Variants in HEATR5A observed in about 807,000 individuals in gnomAD.
HEATR5A encodes HEAT repeat-containing protein 5A.
HEATR5A carries 178 observed loss-of-function variants against 218.8 expected under a neutral mutation model. The ratio of observed to expected loss-of-function variants is 0.81; its 90% CI spans 0.72 to 0.92. HEATR5A has a LOEUF of 0.92. Among genes scored for constraint, HEATR5A ranks in the 40% least tolerant of loss-of-function variants. The probability of loss-of-function intolerance (pLI) is 0.00; values close to 1 mark genes in which losing one functional copy is unlikely to be tolerated. For synonymous variants in HEATR5A, 864 were observed against 871.6 expected (o/e 0.99, Z 0.15); for missense variants, 2,420 against 2,418.9 (o/e 1.00, Z -0.01).
intron 33 of HEATR5A, among the ~76,000 whole-genome samples, chr14:31,299,195 TA>T (rs1012380487): frequency 2.6e-5 from 4 of 152,200 alleles, no homozygotes; most frequent in Admixed American, 1.3e-4. Context: ...CTCACTTGGT[TA>T]TTTCTGTTAA....
At chr14:31,326,575 G>C (rs181554286) in intron 22 of HEATR5A, among the ~76,000 whole-genome samples, 1 of 152,264 alleles carries the variant, frequency 6.6e-6, no homozygotes, top group African/African-American at 2.4e-5. Flanking sequence ...GTATTCATAT[G>C]TTATTATTAA....
chr14:31,366,920 C>T (rs1177556961), intron 13 of HEATR5A, among the ~76,000 whole-genome samples: 1 of 152,290 alleles, frequency 6.6e-6, no homozygotes, highest in East Asian at 1.9e-4. Context: ...CTCTCTTAAT[C>T]TGATAGAGTA....
At chr14:31,349,399 A>G (rs1395885232) in intron 18 of HEATR5A, among the ~76,000 whole-genome samples, 1 of 151,980 alleles carries the variant, frequency 6.6e-6, no homozygotes, top group Admixed American at 6.6e-5. Context: ...AAAAAAAGAC[A>G]TGAAAGTACC....
chr14:31,414,982 G>C (rs1446485086), intron 1 of HEATR5A, among the ~76,000 whole-genome samples: 1 of 152,062 alleles, frequency 6.6e-6, no homozygotes, highest in African/African-American at 2.4e-5. Context: ...CTGGGATTAA[G>C]GCGCGCACCA....
intron 11 of HEATR5A, among the ~76,000 whole-genome samples, chr14:31,378,259 A>C (rs181260036): frequency 2.0e-4 from 30 of 152,066 alleles, no homozygotes; most frequent in Admixed American, 6.5e-4. Flanking sequence ...TGTACACCTA[A>C]AGGTCACAGA....
intron 12 of HEATR5A, among the ~76,000 whole-genome samples, chr14:31,373,173 C>A (rs545999971): frequency 5.3e-5 from 8 of 151,974 alleles, no homozygotes; most frequent in Admixed American, 2.6e-4. Flanking sequence ...CCACTCATCT[C>A]GGCCTCCAAA....
At chr14:31,399,092 G>C (rs1454946410) in intron 3 of HEATR5A, among the ~76,000 whole-genome samples, 1 of 152,140 alleles carries the variant, frequency 6.6e-6, no homozygotes, top group Non-Finnish European at 1.5e-5. Flanking sequence ...TCAATTTTGA[G>C]TTAATTTTTT....
chr14:31,400,611 C>T (rs2030835013), intron 2 of HEATR5A, 99 bp from the exon 3 acceptor site: 1 of 798,118 alleles, frequency 1.3e-6, no homozygotes, highest in African/African-American at 1.7e-5. Context: ...ACTAAAAAGG[C>T]TCTAGAAAAA....
Position 31,400,523 on chromosome 14 carries a change from A to G in HEATR5A, c.127-11T>C, listed in dbSNP as rs984869077. Reference sequence around the variant, plus strand: ...CTCCCTTACATCATTCTAGAAAGAAAGATAACACAAAGACAATTCAAAGTC... The same window carrying G: ...CTCCCTTACATCATTCTAGAAAGAAGGATAACACAAAGACAATTCAAAGTC... On this transcript the variant is annotated splice_polypyrimidine_tract_variant and intron_variant, in intron 2 of 35. Coordinates refer to ENST00000543095, the MANE Select transcript of HEATR5A (RefSeq NM_015473.4). The G allele has an allele frequency of 2.0e-6, 3 of 1,484,782 alleles. No homozygotes were observed. Among genetic ancestry groups the G allele is most frequent in the Non-Finnish European group, 2.7e-6 (3 of 1,103,734 alleles). The allele number at this position is 1,484,782 out of a possible 1,614,324, so 92.0% of individuals were successfully genotyped here. A position where few individuals can be genotyped will look rare whatever the true frequency, so the allele number is the denominator to read the frequency against.
At position 31,402,808 on chromosome 14, in the gene HEATR5A, T is replaced by C. The variant is rs1382058433; in HGVS notation, c.126+42A>G. 4.6e-6 allele frequency: 7 copies of C among 1,529,388 alleles called. No homozygotes were observed. In the Admixed American group the frequency reaches 5.9e-5, roughly 13 times the overall value. The allele number at this position is 1,529,388 out of a possible 1,614,324, so 94.7% of individuals were successfully genotyped here. A position where few individuals can be genotyped will look rare whatever the true frequency, so the allele number is the denominator to read the frequency against. The stretch of plus-strand genomic sequence containing the variant: ...AAAAGCAAACCAAAGGAAGTAAACA[T>C]GGGCACTTAAACAAAAAAACAGATG... On this transcript the variant is annotated intron_variant, in intron 2 of 35. Transcript: ENST00000543095.
chr14:31,332,707 G>A (rs1342079776), intron 22 of HEATR5A, among the ~76,000 whole-genome samples: 1 of 152,066 alleles, frequency 6.6e-6, no homozygotes, highest in Non-Finnish European at 1.5e-5. Flanking sequence ...CTGGACAGAA[G>A]TTCAAATCAG....
intron 1 of HEATR5A, among the ~76,000 whole-genome samples, chr14:31,418,509 T>C (rs2031529274): frequency 6.6e-6 from 1 of 152,220 alleles, no homozygotes; most frequent in Admixed American, 6.5e-5. Context: ...GAGCACTATT[T>C]TAATTCAAAA....
intron 21 of HEATR5A, chr14:31,340,562 A>G (rs1900808104): frequency 1.2e-6 from 1 of 816,990 alleles, no homozygotes; most frequent in Non-Finnish European, 1.8e-6. Flanking sequence ...GCTAAGCATT[A>G]AAATATAAAT....
chr14:31,335,470 C>A (rs1346006267), intron 22 of HEATR5A, among the ~76,000 whole-genome samples: 1 of 151,982 alleles, frequency 6.6e-6, no homozygotes, highest in African/African-American at 2.4e-5. Context: ...CAAGTACATG[C>A]CGCCACAACT....
chr14:31,300,880 C>T (rs1899347855), intron 33 of HEATR5A, among the ~76,000 whole-genome samples: 1 of 152,172 alleles, frequency 6.6e-6, no homozygotes, highest in African/African-American at 2.4e-5. Context: ...TTCACTTAAA[C>T]AGTACTAATT....
intron 28 of HEATR5A, among the ~76,000 whole-genome samples, chr14:31,312,132 AG>A (rs1899775759): frequency 6.6e-6 from 1 of 152,192 alleles, no homozygotes. Context: ...AGGAGAAACA[AG>A]AAAGTTGAGT....
At chr14:31,378,950 T>C (rs942292601) in intron 11 of HEATR5A, among the ~76,000 whole-genome samples, 1 of 151,968 alleles carries the variant, frequency 6.6e-6, no homozygotes, top group African/African-American at 2.4e-5. Flanking sequence ...ATTTTTTATT[T>C]TTATTTTTTG....
intron 14 of HEATR5A, among the ~76,000 whole-genome samples, chr14:31,362,199 C>T (rs1901641602): frequency 6.6e-6 from 1 of 151,984 alleles, no homozygotes; most frequent in Non-Finnish European, 1.5e-5. Context: ...GAATTCCTGA[C>T]CTCAAATGAT....
Position 31,362,120 on chromosome 14 carries a change from A to C in HEATR5A, c.2071+2069T>G, listed in dbSNP as rs528945778. Among the ~76,000 whole-genome samples the C allele has an allele frequency of 5.3e-4, 81 of 152,176 alleles. 1 individual carries two copies. Among genetic ancestry groups the C allele is most frequent in the African/African-American group, 1.9e-3 (77 of 41,520 alleles). ...GCTGGGACTACAGGCATGTGCCACC[A>C]TGCCCAGCTAATTATTTTGTGTATT... On this transcript the variant is annotated intron_variant, in intron 14 of 35. Coordinates refer to ENST00000543095, the MANE Select transcript of HEATR5A (RefSeq NM_015473.4).
Sources: gnomAD v4.1 joint callset for allele counts (sites outside exome capture counted in the v4.1 genomes callset) on GRCh38, gnomAD v4.1.1 for gene constraint, MANE v1.5 for transcripts, NCBI Gene and HGNC (gene_info 2026-07-23, HGNC 2026-07-21) for gene names.